Variants in EME1 observed in about 807,000 individuals in gnomAD.
EME1 encodes structure-specific endonuclease subunit EME1.
In EME1, 61 loss-of-function variants were observed where a neutral mutation model predicts 59.1. That is an observed-to-expected ratio of 1.03 (90% CI 0.84 to 1.28). The LOEUF is 1.28. Ranked by LOEUF, EME1 falls within the 50% of genes most tolerant of loss-of-function variation. The pLI is 0.00. For missense variants in EME1, 635 were observed against 682.6 expected (o/e 0.93, Z 0.78); for synonymous variants, 230 against 254.2 (o/e 0.90, Z 0.90).
Position 50,375,499 on chromosome 17 carries a change from T to C in EME1, c.291T>C (p.Ala97=). The change falls in exon 2 of 9, where the codon GCT becomes GCC. Residue 97 remains alanine (A), a synonymous_variant. Coordinates refer to ENST00000338165, the MANE Select transcript of EME1 (RefSeq NM_152463.4). ...ATGAAGAAGAATTTATTCCTCTGGC[T>C]CAAAGGCTTACATGTAAGTTTCTGA... is the stretch of plus-strand genomic sequence containing the variant. ...SEDEEEFIPL[A]QRLTCKFLTH... 1 of 1,613,852 alleles carries C rather than the reference T, an allele frequency of 6.2e-7. No homozygotes were observed. Among genetic ancestry groups the C allele is most frequent in the Non-Finnish European group, 8.5e-7 (1 of 1,179,878 alleles).
In EME1 at chr17:50,380,830, G is replaced by A; in HGVS notation, c.1604G>A (p.Gly535Glu). 1 of 1,614,188 alleles carries A rather than the reference G, an allele frequency of 6.2e-7. No individual in the cohort carries two copies. Among genetic ancestry groups the A allele is most frequent in the Non-Finnish European group, 8.5e-7 (1 of 1,180,042 alleles). The change falls in exon 9 of 9, where the codon GGG becomes GAG. Residue 535 changes from glycine (G) to glutamate (E), a missense_variant. Coordinates refer to ENST00000338165, the MANE Select transcript of EME1 (RefSeq NM_152463.4). Reference protein sequence around the residue: ...NLLADIQVRRGEGVTSTSRRI... With the variant: ...NLLADIQVRREEGVTSTSRRI... Reference sequence around the variant, plus strand: ...CTCGCAGACATACAGGTGCGCCGTGGGGAAGGTGTGACATCCACTTCTCGC... The same window carrying A: ...CTCGCAGACATACAGGTGCGCCGTGAGGAAGGTGTGACATCCACTTCTCGC...
Position 50,380,920 on chromosome 17 carries a change from C to G in EME1, c.1694C>G (p.Ser565Cys). 1 of 1,614,180 alleles carries G rather than the reference C, an allele frequency of 6.2e-7. No individual in the cohort carries two copies. The highest frequency in any genetic ancestry group is 2.2e-5 in the East Asian group (1 of 44,882). Residue 565 changes from serine (S) to cysteine (C), a missense_variant, in exon 9 of 9, where the codon TCT (serine) becomes TGT (cysteine). By Grantham distance (112) the Ser-to-Cys change is moderately radical. Coordinates refer to ENST00000338165, the MANE Select transcript of EME1 (RefSeq NM_152463.4). ...LQMTTLQPHLSLDSAD is the reference protein window; with the variant it reads ...LQMTTLQPHLCLDSAD Reference sequence around the variant, plus strand: ...ATGACCACTTTACAGCCACATCTCTCTTTAGATAGTGCTGACTGATTCTAG... The same window carrying G: ...ATGACCACTTTACAGCCACATCTCTGTTTAGATAGTGCTGACTGATTCTAG...
chr17:50,375,540 GC>G lies in EME1; in HGVS notation c.335del (p.Pro112LeufsTer50), dbSNP rs756711970. On this transcript the variant is annotated frameshift_variant, in exon 2 of 9. Transcript: ENST00000338165. LOFTEE classifies it high-confidence loss of function. Reference sequence around the variant, plus strand: ...AAGTTTCTGACCCACAAGCAACTGAGCCCTGAGGACTCTAGCTCCCCAGTTA... The same window carrying G: ...AAGTTTCTGACCCACAAGCAACTGAGCCTGAGGACTCTAGCTCCCCAGTTA... ...TCKFLTHKQLSPEDSSSPVKS... is the reference protein window; with the variant it reads ...TCKFLTHKQLXPEDSSSPVKS... The G allele has an allele frequency of 1.9e-6, 3 of 1,614,138 alleles. No individual in the cohort carries two copies. In the East Asian group the frequency reaches 6.7e-5, roughly 36 times the overall value.
intron 3 of EME1, among the ~76,000 whole-genome samples, chr17:50,378,053 C>T (rs915564841): frequency 3.3e-5 from 5 of 151,302 alleles, no homozygotes; most frequent in African/African-American, 4.9e-5. Context: ...TGTGAGCCAC[C>T]GTGCCTGGCC....
Position 50,380,333 on chromosome 17 carries a change from C to T in EME1, c.1368C>T (p.Thr456=). The part of the protein sequence containing the change: ...APFKKLRDET[T]FSFCLESDWA... ...GCAGGAAGCTCCGAGATGAAACTAC[C>T]TTCTCCTTCTGTCTGGAGAGTGACT... The change falls in exon 8 of 9, where the codon ACC becomes ACT. Residue 456 remains threonine, a synonymous_variant. Transcript: ENST00000338165. 6.2e-7 allele frequency: 1 copy of T among 1,611,546 alleles called. No homozygotes were observed.
chr17:50,378,001 G>A (rs1418322866), intron 3 of EME1, among the ~76,000 whole-genome samples: 1 of 151,598 alleles, frequency 6.6e-6, no homozygotes, highest in Non-Finnish European at 1.5e-5. Flanking sequence ...CAGGTGATCC[G>A]CCCGCCTAGG....
Position 50,381,009 on chromosome 17 carries a change from A to G in EME1, c.*70A>G, listed in dbSNP as rs1913807429. 2 of 1,550,428 alleles carry G rather than the reference A, an allele frequency of 1.3e-6. No individual in the cohort carries two copies. The highest frequency in any genetic ancestry group is 3.4e-5 in the Admixed American group (2 of 58,202). On this transcript the variant is annotated 3_prime_UTR_variant, in exon 9 of 9. Transcript: ENST00000338165. The stretch of plus-strand genomic sequence containing the variant: ...TCCCCAACCTCAGAGCCTGACTGTA[A>G]TGAAGAGACTGGCAGCACCTCCTGG...
chr17:50,375,412 A>C lies in EME1; in HGVS notation c.204A>C (p.Pro68=). 1 of 1,614,200 alleles carries C rather than the reference A, an allele frequency of 6.2e-7. No homozygotes were observed. The highest frequency in any genetic ancestry group is 8.5e-7 in the Non-Finnish European group (1 of 1,180,042). The part of the protein sequence containing the change: ...PAPELFSPPV[P]EIAETVTQTQ... ...CAGAGTTATTTTCACCACCTGTCCC[A>C]GAAATAGCTGAAACTGTCACACAAA... The change falls in exon 2 of 9, where the codon CCA becomes CCC. Residue 68 remains proline, a synonymous_variant. Transcript: ENST00000338165.
rs753191475 is a variant in EME1, at chr17:50,375,870, A to T, written c.662A>T (p.Gln221Leu). The change falls in exon 2 of 9, where the codon CAG (glutamine) becomes CTG (leucine). Residue 221 changes from glutamine (Q) to leucine (L), a missense_variant. Coordinates refer to ENST00000338165, the MANE Select transcript of EME1 (RefSeq NM_152463.4). ...TGCCGGCAGCAGAGACAAGCAAGGC[A>T]GAAGGAAAGCACCCTGAGAAGACAG... ...HGCRQQRQAR[Q>L]KESTLRRQER... The T allele has an allele frequency of 6.2e-7, 1 of 1,614,206 alleles. No homozygotes were observed. Among genetic ancestry groups the T allele is most frequent in the Non-Finnish European group, 8.5e-7 (1 of 1,180,032 alleles).
chr17:50,379,029 C>G, intron 5 of EME1, 78 bp from the exon 6 acceptor site: 1 of 1,613,244 alleles, frequency 6.2e-7, no homozygotes, highest in Non-Finnish European at 8.5e-7. Flanking sequence ...GGGGGATGCT[C>G]TGGTCCAGTC....
At chr17:50,379,383 T>C (rs1913661857) in intron 6 of EME1, 69 bp from the exon 7 acceptor site, 1 of 1,591,394 alleles carries the variant, frequency 6.3e-7, no homozygotes, top group South Asian at 1.1e-5. Flanking sequence ...GGTGTGGCTT[T>C]AGTGGACAGT....
Position 50,380,505 on chromosome 17 carries a change from T to C in EME1, c.1536+4T>C, listed in dbSNP as rs769181318. 2 of 1,613,002 alleles carry C rather than the reference T, an allele frequency of 1.2e-6. No homozygotes were observed. The highest frequency in any genetic ancestry group is 1.1e-5 in the South Asian group (1 of 91,040). On this transcript the variant is annotated splice_donor_region_variant and intron_variant, in intron 8 of 8. Coordinates refer to ENST00000338165, the MANE Select transcript of EME1 (RefSeq NM_152463.4). ...CTCCCCACAGCTCCTGGTACAGGTA[T>C]GCTGCTCCAGGGCTCAGGGGTCACT...
Position 50,379,498 on chromosome 17 carries a change from T to C in EME1, c.1277T>C (p.Val426Ala). The C allele has an allele frequency of 6.2e-7, 1 of 1,614,206 alleles. No homozygotes were observed. The highest frequency in any genetic ancestry group is 1.1e-5 in the South Asian group (1 of 91,076). Residue 426 changes from valine to alanine, a missense_variant, in exon 7 of 9, where the codon GTG becomes GCG. Physicochemically the swap from Val to Ala is moderately conservative, Grantham distance 64. Transcript: ENST00000338165. ...QLHTEAQAQI[V>A]QSWKELADFT... ...CACACAGAAGCCCAGGCTCAAATTG[T>C]GCAGAGCTGGAAAGAGCTGGCCGAC...
Position 50,378,772 on chromosome 17 carries a change from A to T in EME1, c.991-2A>T, listed in dbSNP as rs1419065626. On this transcript the variant is annotated splice_acceptor_variant, in intron 4 of 8. Coordinates refer to ENST00000338165, the MANE Select transcript of EME1 (RefSeq NM_152463.4). LOFTEE classifies it high-confidence loss of function. ...TAATGCAGTTTCTGCCCCTTCATGC[A>T]GGGAAGCCTGGACAGCACTATGAAA... 6.2e-7 allele frequency: 1 copy of T among 1,614,236 alleles called. No individual in the cohort carries two copies. Among genetic ancestry groups the T allele is most frequent in the South Asian group, 1.1e-5 (1 of 91,088 alleles).
Position 50,381,110 on chromosome 17 carries a change from C to CAG in EME1, c.*175_*176dup. 1 of 725,706 alleles carries CAG rather than the reference C, an allele frequency of 1.4e-6. No individual in the cohort carries two copies. The highest frequency in any genetic ancestry group is 2.2e-6 in the Non-Finnish European group (1 of 455,290). The allele number at this position is 725,706 out of a possible 1,614,324, so 45.0% of individuals were successfully genotyped here. A position where few individuals can be genotyped will look rare whatever the true frequency, so the allele number is the denominator to read the frequency against. Reference sequence around the variant, plus strand: ...AGGTCTCTCTGCCTGTCGGCTGGGGCAGAGACTGAAATACTGCCACCTACC... The same window carrying CAG: ...AGGTCTCTCTGCCTGTCGGCTGGGGCAGAGAGACTGAAATACTGCCACCTACC... On this transcript the variant is annotated 3_prime_UTR_variant, in exon 9 of 9. Transcript: ENST00000338165.
chr17:50,380,238 T>C, intron 7 of EME1, 74 bp from the exon 8 acceptor site: 2 of 1,464,578 alleles, frequency 1.4e-6, no homozygotes, highest in African/African-American at 2.8e-5. Flanking sequence ...GGGGGGGTTT[T>C]CAGTTGCCAC....
rs749233723 is a variant in EME1, at chr17:50,376,093, A to G, written c.803A>G (p.Gln268Arg). ...PVLLQMEGGGQLLGALQTMEC... is the reference protein window; with the variant it reads ...PVLLQMEGGGRLLGALQTMEC... Reference sequence around the variant, plus strand: ...CTCTTACAGATGGAAGGTGGGGGCCAGCTCCTAGGAGCACTGCAGACCATG... The same window carrying G: ...CTCTTACAGATGGAAGGTGGGGGCCGGCTCCTAGGAGCACTGCAGACCATG... The change falls in exon 3 of 9, where the codon CAG (glutamine) becomes CGG (arginine). Residue 268 changes from glutamine (Q) to arginine (R), a missense_variant. Physicochemically the swap from Gln to Arg is conservative, Grantham distance 43. Coordinates refer to ENST00000338165, the MANE Select transcript of EME1 (RefSeq NM_152463.4). 2 of 1,613,902 alleles carry G rather than the reference A, an allele frequency of 1.2e-6. No homozygotes were observed. Among genetic ancestry groups the G allele is most frequent in the African/African-American group, 1.3e-5 (1 of 75,038 alleles).
At position 50,380,400 on chromosome 17, in the gene EME1, G is replaced by A. The variant is rs781277541; in HGVS notation, c.1435G>A (p.Ala479Thr). The A allele has an allele frequency of 1.3e-5, 21 of 1,614,044 alleles. No individual in the cohort carries two copies. Among genetic ancestry groups the A allele is most frequent in the South Asian group, 3.3e-5 (3 of 91,082 alleles). Residue 479 changes from alanine (A) to threonine (T), a missense_variant, in exon 8 of 9, where the codon GCA (alanine) becomes ACA (threonine). Coordinates refer to ENST00000338165, the MANE Select transcript of EME1 (RefSeq NM_152463.4). ...GGTGGACCTTGCTGGCAGGGGACTC[G>A]CACTAGTCTGGAGGAGACAGATTCA... ...VKVDLAGRGL[A>T]LVWRRQIQQL...
chr17:50,374,642 A>G (rs1320036878), intron 1 of EME1, among the ~76,000 whole-genome samples: 1 of 152,146 alleles, frequency 6.6e-6, no homozygotes, highest in Admixed American at 6.5e-5. Context: ...ACTTGAGGTC[A>G]GGAGTTCAAG....
Sources: gnomAD v4.1 joint callset for allele counts (sites outside exome capture counted in the v4.1 genomes callset) on GRCh38, gnomAD v4.1.1 for gene constraint, MANE v1.5 for transcripts, NCBI Gene and HGNC (gene_info 2026-07-23, HGNC 2026-07-21) for gene names.